The following SSH2 variants were observed in gnomAD, a reference collection of about 807,000 sequenced individuals.
SSH2 encodes protein phosphatase Slingshot homolog 2.
Under a neutral mutation model 135.2 loss-of-function variants are expected in SSH2, and 37 were observed. That is an observed-to-expected ratio of 0.27 (90% confidence interval 0.21 to 0.36). SSH2 has a LOEUF of 0.36. Among genes scored for constraint, SSH2 ranks in the 10% least tolerant of loss-of-function variants. The probability of loss-of-function intolerance (pLI) is 1.00; values close to 1 mark genes in which losing one functional copy is unlikely to be tolerated. For missense variants in SSH2, 1,408 were observed against 1,765.3 expected, an observed-to-expected ratio of 0.80 and a Z score of 3.63; for synonymous variants, 628 against 646.2, an observed-to-expected ratio of 0.97 and a Z score of 0.43.
intron 3 of SSH2, among the ~76,000 whole-genome samples, chr17:29,752,520 A>T (rs984280541): frequency 2.0e-5 from 3 of 152,164 alleles, no homozygotes; most frequent in Non-Finnish European, 4.4e-5. Context: ...AATAAAAATA[A>T]ATTCCAGATG....
intron 3 of SSH2, among the ~76,000 whole-genome samples, chr17:29,735,201 A>G (rs2040324911): frequency 6.6e-6 from 1 of 152,170 alleles, no homozygotes; most frequent in South Asian, 2.1e-4. Flanking sequence ...GAACCTGATA[A>G]ACACCCTAAA....
At chr17:29,915,230 T>C (rs544835921) in intron 1 of SSH2, among the ~76,000 whole-genome samples, 21 of 152,320 alleles carry the variant, frequency 1.4e-4, no homozygotes, top group Non-Finnish European at 2.9e-4. Flanking sequence ...CTTGTTATAT[T>C]ATATGTGAGT....
chr17:29,768,381 C>T (rs1021961078), intron 3 of SSH2, among the ~76,000 whole-genome samples: 3 of 151,122 alleles, frequency 2.0e-5, no homozygotes, highest in Non-Finnish European at 2.9e-5. Flanking sequence ...CACTCTTAAC[C>T]GCCTGGGCTC....
chr17:29,827,930 G>T (rs761163810), intron 2 of SSH2, among the ~76,000 whole-genome samples: 3 of 152,066 alleles, frequency 2.0e-5, no homozygotes, highest in Admixed American at 6.6e-5. Context: ...TAGAACCTCT[G>T]CTTACCTTCC....
chr17:29,764,392 GC>G (rs2041398201), intron 3 of SSH2, among the ~76,000 whole-genome samples: 1 of 152,196 alleles, frequency 6.6e-6, no homozygotes, highest in Non-Finnish European at 1.5e-5. Context: ...GTGTCAAAAT[GC>G]CAATCAATTT....
intron 3 of SSH2, among the ~76,000 whole-genome samples, chr17:29,769,358 T>C (rs1218867276): frequency 2.0e-5 from 3 of 152,172 alleles, no homozygotes; most frequent in African/African-American, 4.8e-5. Context: ...TCTGGTATTT[T>C]CTTCTCTACT....
At chr17:29,775,845 G>C (rs535926352) in intron 3 of SSH2, 1 of 151,862 alleles carries the variant, frequency 6.6e-6, no homozygotes, top group East Asian at 1.9e-4. Context: ...TTCTTCAAAT[G>C]CTTCAAATAC....
At chr17:29,903,135 G>A (rs531240579) in intron 1 of SSH2, among the ~76,000 whole-genome samples, 188 of 151,736 alleles carry the variant, frequency 1.2e-3, no homozygotes, top group African/African-American at 4.4e-3. Context: ...GCAGTGAGCC[G>A]AGATGGTGCC....
At chr17:29,696,052 A>C (rs1389450595) in intron 4 of SSH2, among the ~76,000 whole-genome samples, 1 of 151,938 alleles carries the variant, frequency 6.6e-6, no homozygotes, top group African/African-American at 2.4e-5. Flanking sequence ...AATAGTTTAA[A>C]ATGATTTTCA....
At chr17:29,808,553 CACTG>C (rs2042388097) in intron 2 of SSH2, among the ~76,000 whole-genome samples, 1 of 152,260 alleles carries the variant, frequency 6.6e-6, no homozygotes, top group Non-Finnish European at 1.5e-5. Context: ...CAGCACTCAT[CACTG>C]ACTATCTTAC....
intron 1 of SSH2, among the ~76,000 whole-genome samples, chr17:29,895,179 CAT>C (rs1290349903): frequency 1.4e-5 from 2 of 143,180 alleles, no homozygotes; most frequent in African/African-American, 2.6e-5. Context: ...ATACATTATA[CAT>C]ATATTTTATA....
chr17:29,897,933 A>C (rs542922273), intron 1 of SSH2, among the ~76,000 whole-genome samples: 17 of 152,330 alleles, frequency 1.1e-4, no homozygotes, highest in Admixed American at 5.9e-4. Flanking sequence ...ACTATCTCTC[A>C]GACCACAGTG....
chr17:29,643,354 G>T, intron 14 of SSH2: 1 of 797,140 alleles, frequency 1.3e-6, no homozygotes, highest in Non-Finnish European at 1.5e-6. Flanking sequence ...GGTGTTCACT[G>T]TCCCATGGGT....
intron 2 of SSH2, among the ~76,000 whole-genome samples, chr17:29,809,529 C>T (rs773640991): frequency 6.6e-6 from 1 of 151,986 alleles, no homozygotes. Flanking sequence ...CTTCATTCCC[C>T]CTTTTGCTTG....
intron 2 of SSH2, among the ~76,000 whole-genome samples, chr17:29,802,416 T>C (rs1177012063): frequency 6.6e-6 from 1 of 152,100 alleles, no homozygotes; most frequent in Non-Finnish European, 1.5e-5. Context: ...TGACTAACTA[T>C]GGTGTTGGGA....
chr17:29,826,616 A>G (rs2151353543), intron 2 of SSH2, among the ~76,000 whole-genome samples: 1 of 152,286 alleles, frequency 6.6e-6, no homozygotes, highest in Middle Eastern at 3.4e-3. Context: ...TCTTATTCTT[A>G]GGTAGACTGT....
chr17:29,798,067 T>C (rs1313080778), intron 2 of SSH2, among the ~76,000 whole-genome samples: 1 of 152,200 alleles, frequency 6.6e-6, no homozygotes, highest in African/African-American at 2.4e-5. Context: ...CAACAATGCG[T>C]GAGAGTTATA....
intron 1 of SSH2, among the ~76,000 whole-genome samples, chr17:29,873,283 G>T (rs1309134759): frequency 6.6e-6 from 1 of 152,102 alleles, no homozygotes; most frequent in African/African-American, 2.4e-5. Flanking sequence ...AAAGAGGCCG[G>T]GCGCAGTGGC....
chr17:29,654,242 T>C (rs2036693066), intron 12 of SSH2, among the ~76,000 whole-genome samples: 2 of 152,230 alleles, frequency 1.3e-5, no homozygotes, highest in African/African-American at 4.8e-5. Flanking sequence ...TAGTAAGCTA[T>C]AAGCAAGACT....
Sources: gnomAD v4.1 joint callset for allele counts (sites outside exome capture counted in the v4.1 genomes callset) on GRCh38, gnomAD v4.1.1 for gene constraint, MANE v1.5 for transcripts, NCBI Gene and HGNC (gene_info 2026-07-23, HGNC 2026-07-21) for gene names.